IQCH: variants seen among roughly 807,000 people sequenced by gnomAD.
IQCH encodes the protein IQ motif containing H.
In IQCH, 98 loss-of-function variants were observed where a neutral mutation model predicts 117.0. That is an observed-to-expected ratio of 0.84 (90% CI 0.71 to 0.99). IQCH has a LOEUF of 0.99. Among genes scored for constraint, IQCH ranks in the 50% least tolerant of loss-of-function variants. IQCH has a pLI of 0.00. For missense variants in IQCH, 1,102 were observed against 1,243.8 expected (o/e 0.89, Z 1.72); for synonymous variants, 412 against 448.2 (o/e 0.92, Z 1.02).
In IQCH at chr15:67,386,386, AT is replaced by A. The variant is rs1971108115; in HGVS notation, c.1456+1370del. 6.6e-6 allele frequency among the ~76,000 whole-genome samples: 1 copy of A among 152,172 alleles called. No homozygotes were observed. The highest frequency in any genetic ancestry group is 1.5e-5 in the Non-Finnish European group (1 of 68,034). ...AATGGAATATTTTGCTTATATGAAC[AT>A]TTCTGAGAGATTATGAACCAAATGC... On this transcript the variant is annotated intron_variant, in intron 11 of 20. Coordinates refer to ENST00000335894, the MANE Select transcript of IQCH (RefSeq NM_001031715.3). This position sits in a 1 kb window ranked among gnomAD's most constrained non-coding sequence, Gnocchi z 5.0.
rs1421780424 is a variant in IQCH at position 67,387,900 on chromosome 15, C to G, written c.1457-931C>G. 6.6e-6 allele frequency among the ~76,000 whole-genome samples: 1 copy of G among 152,142 alleles called. No individual in the cohort carries two copies. The highest frequency in any genetic ancestry group is 6.5e-5 in the Admixed American group (1 of 15,272). ...AAGATCCTCTCTTTGCCCTGCTTGC[C>G]TAAGAAAACGTTTACAGTGCTCCCT... On this transcript the variant is annotated intron_variant, in intron 11 of 20. Coordinates refer to ENST00000335894, the MANE Select transcript of IQCH (RefSeq NM_001031715.3). The surrounding 1 kb of genome is among the most constrained non-coding windows in gnomAD (Gnocchi z 4.8).
intron 4 of IQCH, among the ~76,000 whole-genome samples, chr15:67,312,389 C>T (rs541325209): frequency 7.1e-4 from 108 of 152,218 alleles, no homozygotes; most frequent in African/African-American, 2.6e-3. Flanking sequence ...AAGGGGTTCA[C>T]GACGTCCCAA....
chr15:67,434,554 C>A (rs1217814447), intron 16 of IQCH, among the ~76,000 whole-genome samples: 1 of 152,166 alleles, frequency 6.6e-6, no homozygotes, highest in Non-Finnish European at 1.5e-5. Context: ...ATGAATAATG[C>A]TGCAATGGAC....
rs890663662 is a variant in IQCH at position 67,391,470 on chromosome 15, A to C, written c.1632+2464A>C. ...TGTTTGTACATCTCTCCAAGTTACT[A>C]TATGATTCTTGAATTTGTAATGGTA... On this transcript the variant is annotated intron_variant, in intron 12 of 20. Transcript: ENST00000335894. The surrounding 1 kb of genome is among the most constrained non-coding windows in gnomAD (Gnocchi z 4.3). Among the ~76,000 whole-genome samples, 1 of 152,128 alleles carries C rather than the reference A, an allele frequency of 6.6e-6. No individual in the cohort carries two copies. Among genetic ancestry groups the C allele is most frequent in the African/African-American group, 2.4e-5 (1 of 41,412 alleles).
chr15:67,263,464 A>G (rs563441951), intron 3 of IQCH, among the ~76,000 whole-genome samples: 29 of 152,304 alleles, frequency 1.9e-4, no homozygotes, highest in African/African-American at 6.7e-4. Context: ...ACAGAATTGT[A>G]CTTGTACCCC....
rs1262413544 is a variant in IQCH, at chr15:67,403,620, C to A, written c.2097+3315C>A. ...ACACTCTTGCACACACTCCAAACTC[C>A]ACGTTCCCCAGTCGGGGGTATTTAT... On this transcript the variant is annotated intron_variant, in intron 14 of 20. Coordinates refer to ENST00000335894, the MANE Select transcript of IQCH (RefSeq NM_001031715.3). The surrounding 1 kb of genome is among the most constrained non-coding windows in gnomAD (Gnocchi z 4.8). 2.6e-5 allele frequency: 4 copies of A among 152,156 alleles called. No homozygotes were observed. Among genetic ancestry groups the A allele is most frequent in the African/African-American group, 9.7e-5 (4 of 41,442 alleles). 9.4% of individuals were successfully genotyped at this position (152,156 alleles called of 1,614,324 possible).
At chr15:67,362,353 C>G (rs969304652) in intron 8 of IQCH, among the ~76,000 whole-genome samples, 32 of 152,060 alleles carry the variant, frequency 2.1e-4, no homozygotes. Flanking sequence ...CCTAAGCCAT[C>G]CTTGTGTTGT....
At chr15:67,345,597 A>T (rs2140689974) in intron 6 of IQCH, among the ~76,000 whole-genome samples, 1 of 152,272 alleles carries the variant, frequency 6.6e-6, no homozygotes, top group East Asian at 1.9e-4. Flanking sequence ...CTATGAGAAA[A>T]ACATCAGACA....
intron 6 of IQCH, among the ~76,000 whole-genome samples, chr15:67,345,872 G>A (rs183376597): frequency 1.6e-4 from 24 of 152,284 alleles, no homozygotes; most frequent in East Asian, 3.9e-4. Flanking sequence ...CAAATGGACC[G>A]TGGTAATGGA....
At chr15:67,429,203 G>T (rs751685542) in intron 16 of IQCH, among the ~76,000 whole-genome samples, 30 of 152,292 alleles carry the variant, frequency 2.0e-4, no homozygotes, top group Middle Eastern at 6.8e-3. Context: ...TGTTCTTTGT[G>T]TTTTCTGCAA....
rs1484297433 is a variant in IQCH at position 67,342,683 on chromosome 15, GTTATAAAAA to G, written c.509-1376_509-1368del. Among the ~76,000 whole-genome samples, 1 of 152,102 alleles carries G rather than the reference GTTATAAAAA, an allele frequency of 6.6e-6. No homozygotes were observed. Among genetic ancestry groups the G allele is most frequent in the African/African-American group, 2.4e-5 (1 of 41,416 alleles). On this transcript the variant is annotated intron_variant, in intron 5 of 20. Transcript: ENST00000335894. The surrounding 1 kb of genome is among the most constrained non-coding windows in gnomAD (Gnocchi z 4.7). ...GATTTTTAAAGTAGTTCAATCTAGT[GTTATAAAAA>G]TTAAAACCTGAAGTACTAATTTCAA...
Position 67,261,401 on chromosome 15 carries a change from A to G in IQCH, c.174+7A>G, listed in dbSNP as rs28722593. The stretch of plus-strand genomic sequence containing the variant: ...GACTGAAGTGGGGTTAAGAGTAAGT[A>G]GAGCTTTAGATATTAAAATACTGGA... On this transcript the variant is annotated splice_region_variant and intron_variant, in intron 2 of 20. Coordinates refer to ENST00000335894, the MANE Select transcript of IQCH (RefSeq NM_001031715.3). 1,504 of 1,580,768 alleles carry G rather than the reference A, an allele frequency of 9.5e-4. 13 individuals are homozygous for G. The African/African-American group carries it at 0.017, about 17-fold the overall frequency.
At position 67,385,388 on chromosome 15, in the gene IQCH, T is replaced by C. The variant is rs1023734386; in HGVS notation, c.1456+369T>C. On this transcript the variant is annotated intron_variant, in intron 11 of 20. Transcript: ENST00000335894. The surrounding 1 kb of genome is among the most constrained non-coding windows in gnomAD (Gnocchi z 4.6). Reference sequence around the variant, plus strand: ...CTTGTCTCTTATAGTATCTGGGGAATGTGTGAAAGGTGGTATCAGAAATGA... The same window carrying C: ...CTTGTCTCTTATAGTATCTGGGGAACGTGTGAAAGGTGGTATCAGAAATGA... Among the ~76,000 whole-genome samples the C allele has an allele frequency of 6.6e-6, 1 of 152,116 alleles. No individual in the cohort carries two copies. The highest frequency in any genetic ancestry group is 2.4e-5 in the African/African-American group (1 of 41,414).
rs1356047194 is a variant in IQCH, at chr15:67,491,190, C to G, written c.2861+1126C>G. On this transcript the variant is annotated intron_variant, in intron 19 of 20. Transcript: ENST00000335894. This position sits in a 1 kb window ranked among gnomAD's most constrained non-coding sequence, Gnocchi z 4.9. ...CTGATGTTCCTATGTGGCCTCAGTCCCTCCCTCCCCAACCTCCCCTACACC... is the reference window on the plus strand; with the variant it reads ...CTGATGTTCCTATGTGGCCTCAGTCGCTCCCTCCCCAACCTCCCCTACACC... Among the ~76,000 whole-genome samples the G allele has an allele frequency of 6.6e-6, 1 of 151,880 alleles. No individual in the cohort carries two copies.
intron 16 of IQCH, among the ~76,000 whole-genome samples, chr15:67,451,120 C>G (rs568185468): frequency 1.3e-4 from 20 of 152,224 alleles, no homozygotes; most frequent in Middle Eastern, 6.8e-3. Context: ...CTCTCTTCTT[C>G]TTTATTAGTC....
rs2141023615 is a variant in IQCH at position 67,465,908 on chromosome 15, C to G, written c.2676+611C>G. On this transcript the variant is annotated intron_variant, in intron 17 of 20. Transcript: ENST00000335894. This position sits in a 1 kb window ranked among gnomAD's most constrained non-coding sequence, Gnocchi z 5.9. ...CTTCCACCATCTCACACCTGTATTCCTCCTAAGATTCCCTGTCCCTGCCTG... is the reference window on the plus strand; with the variant it reads ...CTTCCACCATCTCACACCTGTATTCGTCCTAAGATTCCCTGTCCCTGCCTG... Among the ~76,000 whole-genome samples, 1 of 152,322 alleles carries G rather than the reference C, an allele frequency of 6.6e-6. No individual in the cohort carries two copies. The highest frequency in any genetic ancestry group is 6.5e-5 in the Admixed American group (1 of 15,302).
intron 4 of IQCH, among the ~76,000 whole-genome samples, chr15:67,286,918 A>G (rs1056553624): frequency 9.9e-5 from 15 of 152,036 alleles, no homozygotes; most frequent in Non-Finnish European, 1.5e-5. Flanking sequence ...CGGCCTATAT[A>G]TGGCTTTTAT....
At chr15:67,382,306 C>T (rs575480689) in intron 10 of IQCH, among the ~76,000 whole-genome samples, 11 of 152,338 alleles carry the variant, frequency 7.2e-5, no homozygotes, top group African/African-American at 2.6e-4. Context: ...CCTAGCAACT[C>T]TTCTCTTCTG....
In IQCH at chr15:67,408,660, C is replaced by T. The variant is rs2081366663; in HGVS notation, c.2098-8271C>T. 6.6e-6 allele frequency among the ~76,000 whole-genome samples: 1 copy of T among 152,160 alleles called. No individual in the cohort carries two copies. Among genetic ancestry groups the T allele is most frequent in the Non-Finnish European group, 1.5e-5 (1 of 68,024 alleles). ...CCTGATAGTCTCTCATTTCATTCCA[C>T]AAACTTACTCCTCTCCCCCACTACT... On this transcript the variant is annotated intron_variant, in intron 14 of 20. Transcript: ENST00000335894. This position sits in a 1 kb window ranked among gnomAD's most constrained non-coding sequence, Gnocchi z 4.2.
Sources: allele counts gnomAD v4.1 joint callset (sites outside exome capture counted in the v4.1 genomes callset), GRCh38; gene constraint gnomAD v4.1.1; non-coding constraint Gnocchi (gnomAD v3.1); transcripts MANE v1.5; gene names NCBI Gene and HGNC (gene_info 2026-07-23, HGNC 2026-07-21).